CNTNAP2: variants seen among roughly 807,000 people sequenced by gnomAD.
The protein encoded by CNTNAP2 is contactin-associated protein-like 2.
A neutral mutation model predicts 155.2 loss-of-function variants in CNTNAP2; 98 were observed. The observed-to-expected ratio is 0.63, with a 90% CI of 0.54 to 0.75. The LOEUF is 0.75. Among genes scored for constraint, CNTNAP2 ranks in the 30% least tolerant of loss-of-function variants. The pLI is 0.00. For synonymous variants in CNTNAP2, 651 were observed against 631.2 expected (o/e 1.03, Z -0.47); for missense variants, 1,727 against 1,688.1 (o/e 1.02, Z -0.40).
intron 10 of CNTNAP2, among the ~76,000 whole-genome samples, chr7:147,443,929 T>C (rs1380917805): frequency 1.3e-5 from 2 of 152,204 alleles, no homozygotes; most frequent in Admixed American, 6.5e-5. Context: ...GCCAGCTACA[T>C]TTGTTTGCTA....
At chr7:147,991,419 T>G (rs193176783) in intron 15 of CNTNAP2, among the ~76,000 whole-genome samples, 8 of 152,278 alleles carry the variant, frequency 5.3e-5, no homozygotes, top group Non-Finnish European at 1.5e-5. Flanking sequence ...AGACAATAAT[T>G]GTTATAAAGG....
chr7:146,286,377 C>T (rs1020788055), intron 1 of CNTNAP2, among the ~76,000 whole-genome samples: 10 of 151,862 alleles, frequency 6.6e-5, no homozygotes, highest in Admixed American at 2.0e-4. Flanking sequence ...TGTTGGTGAC[C>T]GTGCAAAGCT....
At chr7:147,864,104 A>G (rs1799183881) in intron 13 of CNTNAP2, among the ~76,000 whole-genome samples, 1 of 151,932 alleles carries the variant, frequency 6.6e-6, no homozygotes. Context: ...TAATTTTTGT[A>G]TATGATGTAA....
intron 1 of CNTNAP2, among the ~76,000 whole-genome samples, chr7:146,437,543 G>C (rs1796260996): frequency 6.6e-6 from 1 of 151,396 alleles, no homozygotes; most frequent in South Asian, 2.1e-4. Flanking sequence ...TGGTTGAATT[G>C]TAAGTGCATT....
At chr7:146,700,035 T>C (rs991639522) in intron 1 of CNTNAP2, among the ~76,000 whole-genome samples, 3 of 152,108 alleles carry the variant, frequency 2.0e-5, no homozygotes, top group Admixed American at 6.6e-5. Context: ...CTTTCCCTGA[T>C]AAAAGAACAA....
intron 1 of CNTNAP2, among the ~76,000 whole-genome samples, chr7:146,259,463 C>A (rs573854771): frequency 2.0e-5 from 3 of 152,236 alleles, no homozygotes; most frequent in South Asian, 4.2e-4. Flanking sequence ...GTGATATGGA[C>A]AATTAAGTCC....
chr7:146,902,163 C>T (rs1482001962), intron 3 of CNTNAP2, among the ~76,000 whole-genome samples: 1 of 152,056 alleles, frequency 6.6e-6, no homozygotes, highest in Non-Finnish European at 1.5e-5. Context: ...GGATTACAGG[C>T]GTGAGCCACC....
intron 1 of CNTNAP2, among the ~76,000 whole-genome samples, chr7:146,270,863 T>G (rs1340835638): frequency 1.3e-5 from 2 of 152,110 alleles, no homozygotes; most frequent in Non-Finnish European, 2.9e-5. Flanking sequence ...GGTCAATTAT[T>G]GCAAAAGACA....
chr7:146,861,072 G>GT (rs1795088685), intron 3 of CNTNAP2, among the ~76,000 whole-genome samples: 1 of 151,688 alleles, frequency 6.6e-6, no homozygotes, highest in Non-Finnish European at 1.5e-5. Flanking sequence ...TTGGTTTTTT[G>GT]TTTTTTGAGA....
At chr7:147,759,052 T>C (rs1797259946) in intron 13 of CNTNAP2, among the ~76,000 whole-genome samples, 1 of 152,162 alleles carries the variant, frequency 6.6e-6, no homozygotes, top group Admixed American at 6.5e-5. Flanking sequence ...TAATAAGCTT[T>C]TCATGAAGGC....
chr7:147,573,268 C>T (rs1800328761), intron 12 of CNTNAP2, among the ~76,000 whole-genome samples: 1 of 152,160 alleles, frequency 6.6e-6, no homozygotes, highest in Non-Finnish European at 1.5e-5. Flanking sequence ...CATTTACGTA[C>T]AGACAATTTC....
At chr7:147,469,358 T>C (rs866243939) in intron 10 of CNTNAP2, among the ~76,000 whole-genome samples, 2 of 152,002 alleles carry the variant, frequency 1.3e-5, no homozygotes, top group East Asian at 1.9e-4. Context: ...AAACCCCTAA[T>C]TGAAGTAGGA....
chr7:147,404,768 C>G lies in CNTNAP2; in HGVS notation c.1670+8988C>G, dbSNP rs1347487777. Among the ~76,000 whole-genome samples the G allele has an allele frequency of 3.3e-5, 5 of 152,132 alleles. No individual in the cohort carries two copies. In the East Asian group the frequency reaches 9.6e-4, roughly 29 times the overall value. On this transcript the variant is annotated intron_variant, in intron 10 of 23. Coordinates refer to ENST00000361727, the MANE Select transcript of CNTNAP2 (RefSeq NM_014141.6). ...TTAAGCCATGGGCATCTTTCTAGCACAAAAACATCAGCTCAATGACCTAAA... is the reference window on the plus strand; with the variant it reads ...TTAAGCCATGGGCATCTTTCTAGCAGAAAAACATCAGCTCAATGACCTAAA...
chr7:146,386,193 A>C (rs1216154427), intron 1 of CNTNAP2, among the ~76,000 whole-genome samples: 1 of 151,942 alleles, frequency 6.6e-6, no homozygotes, highest in African/African-American at 2.4e-5. Context: ...ACATGTATTT[A>C]TTTTCTATCC....
At chr7:146,927,520 C>A (rs1796631450) in intron 3 of CNTNAP2, among the ~76,000 whole-genome samples, 1 of 147,386 alleles carries the variant, frequency 6.8e-6, no homozygotes, top group South Asian at 2.1e-4. Context: ...AATGTAAAAT[C>A]TTTTTGTGTA....
intron 1 of CNTNAP2, among the ~76,000 whole-genome samples, chr7:146,599,609 C>G (rs148909513): frequency 6.8e-6 from 1 of 147,760 alleles, no homozygotes; most frequent in Non-Finnish European, 1.5e-5. Flanking sequence ...TTCTTCTCCT[C>G]CTTATATTAT....
At chr7:146,191,785 C>G (rs976156592) in intron 1 of CNTNAP2, among the ~76,000 whole-genome samples, 1 of 152,144 alleles carries the variant, frequency 6.6e-6, no homozygotes, top group Non-Finnish European at 1.5e-5. Flanking sequence ...GCAGTCAGAC[C>G]TAATGGTTAT....
At chr7:146,237,781 C>T (rs1285741046) in intron 1 of CNTNAP2, among the ~76,000 whole-genome samples, 1 of 147,548 alleles carries the variant, frequency 6.8e-6, no homozygotes, top group Non-Finnish European at 1.5e-5. Flanking sequence ...TGGTAATTTG[C>T]AAAACATATT....
At chr7:147,362,163 C>T (rs911424805) in intron 9 of CNTNAP2, among the ~76,000 whole-genome samples, 9 of 152,148 alleles carry the variant, frequency 5.9e-5, no homozygotes, top group Non-Finnish European at 1.3e-4. Flanking sequence ...GACTAGGTCT[C>T]GCTCTGTCAC....
Sources: gnomAD v4.1 joint callset for allele counts (sites outside exome capture counted in the v4.1 genomes callset) on GRCh38, gnomAD v4.1.1 for gene constraint, MANE v1.5 for transcripts, NCBI Gene and HGNC (gene_info 2026-07-23, HGNC 2026-07-21) for gene names.